Variants in COL10A1 observed in about 807,000 individuals in gnomAD.
The protein encoded by COL10A1 is collagen alpha-1(X) chain.
Under a neutral mutation model 18.2 loss-of-function variants are expected in COL10A1, and 10 were observed. That is an observed-to-expected ratio of 0.55 (90% CI 0.34 to 0.93). COL10A1 has a LOEUF of 0.93. Among genes scored for constraint, COL10A1 ranks in the 40% least tolerant of loss-of-function variants. The probability of loss-of-function intolerance (pLI) is 0.02; values close to 1 mark genes in which losing one functional copy is unlikely to be tolerated. For missense variants in COL10A1, 897 were observed against 853.5 expected (o/e 1.05, Z -0.64); for synonymous variants, 330 against 316.6 (o/e 1.04, Z -0.45).
At chr6:116,203,977 G>A in the COL10A1 span, among the ~76,000 whole-genome samples, 2 of 151,750 alleles carry the variant, frequency 1.3e-5, no homozygotes, top group African/African-American at 4.8e-5. Flanking sequence ...ACACACACAC[G>A]GTGATCATCA....
chr6:116,186,284 G>T, the COL10A1 span, among the ~76,000 whole-genome samples: 1 of 151,278 alleles, frequency 6.6e-6, no homozygotes. Flanking sequence ...TGATGCTTTT[G>T]TCTCATAGCT....
At chr6:116,205,519 C>G in the COL10A1 span, among the ~76,000 whole-genome samples, 1 of 151,738 alleles carries the variant, frequency 6.6e-6, no homozygotes, top group Non-Finnish European at 1.5e-5. Context: ...GCCCCACAGT[C>G]TCTACACAGA....
intron 1 of COL10A1, among the ~76,000 whole-genome samples, chr6:116,154,953 A>G (rs1780147306): frequency 6.6e-6 from 1 of 152,208 alleles, no homozygotes; most frequent in Admixed American, 6.5e-5. Context: ...ACCATAAATA[A>G]CCATATACAA....
Position 116,125,325 on chromosome 6 carries a change from A to G in COL10A1, c.154+14T>C. The G allele has an allele frequency of 1.9e-6, 3 of 1,612,726 alleles. No individual in the cohort carries two copies. The highest frequency in any genetic ancestry group is 2.2e-5 in the East Asian group (1 of 44,794). The stretch of plus-strand genomic sequence containing the variant: ...GCAACTTGTTAATAGAACAAAATAT[A>G]CAATTCAATTTACCTTTACTCTTTA... On this transcript the variant is annotated intron_variant, in intron 2 of 2. Transcript: ENST00000651968.
the COL10A1 span, among the ~76,000 whole-genome samples, chr6:116,184,134 C>T: frequency 6.6e-6 from 1 of 151,908 alleles, no homozygotes; most frequent in South Asian, 2.1e-4. Flanking sequence ...TGTCAGCTGC[C>T]TTTTCTGCAT....
At chr6:116,209,275 A>C in the COL10A1 span, among the ~76,000 whole-genome samples, 1 of 152,088 alleles carries the variant, frequency 6.6e-6, no homozygotes, top group East Asian at 1.9e-4. Context: ...TACCATTTTA[A>C]GATGTAAGCA....
At chr6:116,132,064 C>A (rs1310122632) in intron 1 of COL10A1, among the ~76,000 whole-genome samples, 1 of 152,046 alleles carries the variant, frequency 6.6e-6, no homozygotes, top group African/African-American at 2.4e-5. Flanking sequence ...TTTTCTTTAT[C>A]CAGTCTATCA....
the COL10A1 span, among the ~76,000 whole-genome samples, chr6:116,192,037 C>T: frequency 9.2e-5 from 14 of 151,944 alleles, no homozygotes; most frequent in African/African-American, 1.4e-4. Context: ...GTTAATCTCC[C>T]GTTAGCCCAT....
the COL10A1 span, among the ~76,000 whole-genome samples, chr6:116,185,123 A>G: frequency 7.9e-5 from 12 of 152,106 alleles, no homozygotes; most frequent in African/African-American, 2.7e-4. Context: ...TGTTGATCCA[A>G]AGATCATTCA....
chr6:116,165,098 G>GAAAAAAAAAAA, the COL10A1 span, among the ~76,000 whole-genome samples: 1 of 101,070 alleles, frequency 9.9e-6, no homozygotes, highest in African/African-American at 4.1e-5. Flanking sequence ...CTCCGTCTCA[G>GAAAAAAAAAAA]AAAAAAAAAA....
upstream of COL10A1, among the ~76,000 whole-genome samples, chr6:116,126,852 A>T (rs901734295): frequency 3.1e-4 from 47 of 152,084 alleles, no homozygotes; most frequent in African/African-American, 1.1e-3. Context: ...CTTTCAGCTT[A>T]AAAAAAATAT....
chr6:116,171,468 T>C, the COL10A1 span, among the ~76,000 whole-genome samples: 1 of 152,228 alleles, frequency 6.6e-6, no homozygotes, highest in African/African-American at 2.4e-5. Flanking sequence ...TAAAGATGAT[T>C]ATTATCATCG....
the COL10A1 span, among the ~76,000 whole-genome samples, chr6:116,199,021 A>G: frequency 1.3e-5 from 2 of 152,012 alleles, no homozygotes; most frequent in Non-Finnish European, 2.9e-5. Context: ...TGTTCTGTGC[A>G]TTATATAATG....
At chr6:116,162,445 G>A (rs1419279727), upstream of COL10A1, among the ~76,000 whole-genome samples, 1 of 152,094 alleles carries the variant, frequency 6.6e-6, no homozygotes, top group Non-Finnish European at 1.5e-5. Flanking sequence ...TTTCAGTTAT[G>A]TTCCTTTAAT....
the COL10A1 span, among the ~76,000 whole-genome samples, chr6:116,193,753 A>C: frequency 1.7e-5 from 2 of 118,436 alleles, no homozygotes; most frequent in African/African-American, 7.2e-5. Context: ...ACTTAAACAT[A>C]TAATTATACT....
At chr6:116,162,003 A>G (rs1780345398), upstream of COL10A1, among the ~76,000 whole-genome samples, 1 of 152,114 alleles carries the variant, frequency 6.6e-6, no homozygotes, top group African/African-American at 2.4e-5. Context: ...ACCATCTTAA[A>G]TGTATTCCTA....
At chr6:116,178,750 C>A in the COL10A1 span, among the ~76,000 whole-genome samples, 21 of 152,290 alleles carry the variant, frequency 1.4e-4, no homozygotes, top group Non-Finnish European at 2.8e-4. Context: ...TGATGCCTCC[C>A]AAAATGTGAG....
the COL10A1 span, among the ~76,000 whole-genome samples, chr6:116,184,642 A>G: frequency 4.3e-4 from 65 of 152,152 alleles, no homozygotes; most frequent in Non-Finnish European, 7.9e-4. Flanking sequence ...GAATTTATCC[A>G]TCTCCTCTAG....
Position 116,147,060 on chromosome 6 carries a change from C to T in COL10A1, c.-16+11554G>A, listed in dbSNP as rs542065057. Among the ~76,000 whole-genome samples, 9 of 150,316 alleles carry T rather than the reference C, an allele frequency of 6.0e-5. No homozygotes were observed. In the South Asian group the frequency reaches 1.9e-3, roughly 32 times the overall value. On this transcript the variant is annotated intron_variant, in intron 1 of 1. Transcript: ENST00000418500. The stretch of plus-strand genomic sequence containing the variant: ...AGCCTTTGAAGTACGACCTCAAACC[C>T]AGAACTATAAAAGAAAAGATGTATG...
Sources: allele counts gnomAD v4.1 joint callset (sites outside exome capture counted in the v4.1 genomes callset), GRCh38; gene constraint gnomAD v4.1.1; transcripts MANE v1.5; gene names NCBI Gene and HGNC (gene_info 2026-07-23, HGNC 2026-07-21).